The following POLR1A variants were observed in gnomAD, a reference collection of about 807,000 sequenced individuals.
POLR1A encodes RNA polymerase I subunit A, also known as DNA-directed RNA polymerase I subunit RPA1.
POLR1A carries 84 observed loss-of-function variants against 205.3 expected under a neutral mutation model. That is an observed-to-expected ratio of 0.41 (90% CI 0.34 to 0.49). The LOEUF is 0.49. Among genes scored for constraint, POLR1A ranks in the 20% least tolerant of loss-of-function variants. The pLI is 0.22. For synonymous variants in POLR1A, 799 were observed against 863.7 expected (o/e 0.93, Z 1.31); for missense variants, 1,645 against 2,204.5 (o/e 0.75, Z 5.08).
At chr2:86,073,669 C>G (rs572339572) in intron 12 of POLR1A, among the ~76,000 whole-genome samples, 1 of 152,196 alleles carries the variant, frequency 6.6e-6, no homozygotes, top group Non-Finnish European at 1.5e-5. Flanking sequence ...TCCGCAACAG[C>G]AATACATTTA....
Position 86,040,427 on chromosome 2 carries a change from G to A in POLR1A, c.3705C>T (p.Gly1235=). The A allele has an allele frequency of 6.2e-7, 1 of 1,612,836 alleles. No individual in the cohort carries two copies. The change falls in exon 25 of 34, where the codon GGC becomes GGT. Residue 1235 remains glycine (G), a synonymous_variant. Coordinates refer to ENST00000263857, the MANE Select transcript of POLR1A (RefSeq NM_015425.6). ...CCAGGGTGACGTTCATCTCGCCTCT[G>A]CCTGCAAAGTGGAAGGTGTTGAGGG... ...QMTLNTFHFA[G]RGEMNVTLGI...
At chr2:86,092,215 T>C (rs1386804354) in intron 3 of POLR1A, among the ~76,000 whole-genome samples, 1 of 152,238 alleles carries the variant, frequency 6.6e-6, no homozygotes, top group East Asian at 1.9e-4. Context: ...TTGGTTAGGC[T>C]ACATCTGGAC....
chr2:86,083,037 A>C, intron 7 of POLR1A, 45 bp downstream of exon 7: 2 of 1,373,076 alleles, frequency 1.5e-6, no homozygotes, highest in Non-Finnish European at 2.1e-6. Context: ...CAGGAAATAA[A>C]AGCCTAGAGA....
chr2:86,089,115 TCTTA>T (rs1408346357), intron 4 of POLR1A, among the ~76,000 whole-genome samples: 2 of 152,188 alleles, frequency 1.3e-5, no homozygotes, highest in East Asian at 1.9e-4. Flanking sequence ...CTCAGTAAGC[TCTTA>T]CTAAGACAAA....
intron 27 of POLR1A, among the ~76,000 whole-genome samples, chr2:86,038,466 A>G (rs1394504211): frequency 6.6e-6 from 1 of 152,226 alleles, no homozygotes; most frequent in Non-Finnish European, 1.5e-5. Flanking sequence ...ACCCAAGAGA[A>G]GAAATGGGCT....
At chr2:86,050,307 G>C (rs1291070155) in intron 16 of POLR1A, among the ~76,000 whole-genome samples, 8 of 152,242 alleles carry the variant, frequency 5.3e-5, no homozygotes, top group Non-Finnish European at 1.2e-4. Flanking sequence ...CAGGTGTACT[G>C]TTCAAAAGAT....
intron 14 of POLR1A, among the ~76,000 whole-genome samples, chr2:86,056,309 G>A (rs566968253): frequency 6.1e-4 from 92 of 152,024 alleles, no homozygotes; most frequent in African/African-American, 2.0e-3. Context: ...AAAATTAGCT[G>A]GGCATGGTGG....
At chr2:86,091,805 C>T (rs562995661) in intron 3 of POLR1A, among the ~76,000 whole-genome samples, 1 of 152,170 alleles carries the variant, frequency 6.6e-6, no homozygotes, top group African/African-American at 2.4e-5. Context: ...GCTCTGTTCC[C>T]TCATAAATGC....
Position 86,031,345 on chromosome 2 carries a change from C to T in POLR1A, c.4563G>A (p.Glu1521=), listed in dbSNP as rs1274002761. 1 of 1,556,530 alleles carries T rather than the reference C, an allele frequency of 6.4e-7. No homozygotes were observed. Among genetic ancestry groups the T allele is most frequent in the Admixed American group, 1.9e-5 (1 of 53,174 alleles). ...CCACACTGACCTGGCACCACAGGCT[C>T]TCCTCGGTGTCGTACTGGTAGTCAT... ...FIDDYQYDTE[E]SLWCQVTVKL... is the part of the protein sequence containing the mutation. Residue 1521 remains glutamate (E), a synonymous_variant, in exon 30 of 34, where the codon GAG becomes GAA. Transcript: ENST00000263857.
At chr2:86,041,192 C>CGT (rs1672597224) in intron 24 of POLR1A, among the ~76,000 whole-genome samples, 1 of 36,188 alleles carries the variant, frequency 2.8e-5, no homozygotes, top group African/African-American at 8.7e-5. Context: ...TGTGTGTGTG[C>CGT]GCGCTGAGCT....
intron 28 of POLR1A, among the ~76,000 whole-genome samples, chr2:86,032,591 C>G (rs747441272): frequency 2.0e-5 from 3 of 152,068 alleles, no homozygotes; most frequent in Non-Finnish European, 4.4e-5. Context: ...AGGCCTCCTT[C>G]CCTTCAGTCT....
intron 13 of POLR1A, among the ~76,000 whole-genome samples, chr2:86,066,075 A>G (rs1673078427): frequency 6.6e-6 from 1 of 152,258 alleles, no homozygotes; most frequent in Admixed American, 6.5e-5. Flanking sequence ...GGAAAATAAC[A>G]GGGTGGGTCA....
At chr2:86,061,908 T>C (rs1488827460) in intron 14 of POLR1A, among the ~76,000 whole-genome samples, 2 of 152,284 alleles carry the variant, frequency 1.3e-5, no homozygotes, top group Non-Finnish European at 2.9e-5. Context: ...GGGTGAGAGT[T>C]TGCAAAGATG....
At chr2:86,074,934 G>T in intron 12 of POLR1A, 96 bp downstream of exon 12, 1 of 818,962 alleles carries the variant, frequency 1.2e-6, no homozygotes, top group Admixed American at 2.5e-5. Flanking sequence ...ATGGGCTCCT[G>T]TGTCAGTGCG....
At chr2:86,032,916 G>A (rs773017040) in intron 28 of POLR1A, among the ~76,000 whole-genome samples, 1 of 152,212 alleles carries the variant, frequency 6.6e-6, no homozygotes, top group Non-Finnish European at 1.5e-5. Flanking sequence ...GTGAACTCAC[G>A]GAGCAGGAGA....
chr2:86,090,802 G>A (rs1169150349), intron 3 of POLR1A, among the ~76,000 whole-genome samples: 1 of 152,162 alleles, frequency 6.6e-6, no homozygotes, highest in African/African-American at 2.4e-5. Flanking sequence ...CTTAACCTAA[G>A]CTGGGCACAG....
chr2:86,068,109 C>T (rs940266376), intron 13 of POLR1A, among the ~76,000 whole-genome samples: 4 of 152,176 alleles, frequency 2.6e-5, no homozygotes, highest in South Asian at 2.1e-4. Context: ...GGCTTTGCAC[C>T]GTATTCAATC....
chr2:86,105,843 T>C lies in POLR1A; in HGVS notation c.-67A>G. ...CCACTCACCACCTGACTATTCTTAA[T>C]TCAACCTCAAGCCCGGAGTCACCAC... On this transcript the variant is annotated 5_prime_UTR_variant, in exon 1 of 34. Coordinates refer to ENST00000263857, the MANE Select transcript of POLR1A (RefSeq NM_015425.6). 1.4e-6 allele frequency: 2 copies of C among 1,398,222 alleles called. No homozygotes were observed. The highest frequency in any genetic ancestry group is 1.4e-5 in the African/African-American group (1 of 70,736). 86.6% of individuals were successfully genotyped at this position (1,398,222 alleles called of 1,614,324 possible).
intron 23 of POLR1A, among the ~76,000 whole-genome samples, chr2:86,042,556 C>T (rs980590223): frequency 1.3e-5 from 2 of 152,230 alleles, no homozygotes; most frequent in African/African-American, 4.8e-5. Flanking sequence ...CTGCTTCCAG[C>T]TCCCAGGTGT....
Sources: gnomAD v4.1 joint callset for allele counts (sites outside exome capture counted in the v4.1 genomes callset) on GRCh38, gnomAD v4.1.1 for gene constraint, MANE v1.5 for transcripts, NCBI Gene and HGNC (gene_info 2026-07-23, HGNC 2026-07-21) for gene names.